Variants in NRXN3 observed in about 807,000 individuals in gnomAD.
NRXN3 encodes the protein neurexin 3.
A neutral mutation model predicts 137.6 loss-of-function variants in NRXN3; 32 were observed. The observed-to-expected ratio is 0.23, with a 90% CI of 0.18 to 0.31. The LOEUF is 0.31. Among genes scored for constraint, NRXN3 ranks in the 10% least tolerant of loss-of-function variants. The probability of loss-of-function intolerance (pLI) is 1.00; values close to 1 mark genes in which losing one functional copy is unlikely to be tolerated. For missense variants in NRXN3, 1,574 were observed against 2,062.5 expected, an observed-to-expected ratio of 0.76 and a Z score of 4.59; for synonymous variants, 798 against 784.5, an observed-to-expected ratio of 1.02 and a Z score of -0.29.
intron 15 of NRXN3, among the ~76,000 whole-genome samples, chr14:79,337,435 C>A (rs1216785288): frequency 6.6e-6 from 1 of 152,154 alleles, no homozygotes; most frequent in African/African-American, 2.4e-5. Flanking sequence ...CTCACAGATG[C>A]AGGAGCTGGT....
chr14:79,008,071 T>C (rs1403380323), intron 15 of NRXN3, among the ~76,000 whole-genome samples: 1 of 152,130 alleles, frequency 6.6e-6, no homozygotes, highest in Non-Finnish European at 1.5e-5. Flanking sequence ...CGCTGTGTTG[T>C]AAACTGTTTA....
intron 17 of NRXN3, among the ~76,000 whole-genome samples, chr14:79,685,938 G>A (rs1413290719): frequency 1.3e-5 from 2 of 152,144 alleles, no homozygotes; most frequent in African/African-American, 2.4e-5. Context: ...ATAGCTGGAC[G>A]TAATACACCA....
intron 15 of NRXN3, among the ~76,000 whole-genome samples, chr14:79,300,423 G>A (rs573509925): frequency 6.6e-5 from 10 of 152,176 alleles, no homozygotes; most frequent in African/African-American, 2.2e-4. Context: ...GGGTAGCTTG[G>A]ATGATCTCAC....
chr14:79,605,552 A>T (rs201642473), intron 16 of NRXN3, among the ~76,000 whole-genome samples: 1 of 151,986 alleles, frequency 6.6e-6, no homozygotes, highest in South Asian at 2.1e-4. Flanking sequence ...CAGTGGCATG[A>T]TGTCAGCTCA....
At chr14:79,838,911 G>A (rs1237260645) in intron 20 of NRXN3, among the ~76,000 whole-genome samples, 1 of 152,182 alleles carries the variant, frequency 6.6e-6, no homozygotes, top group Non-Finnish European at 1.5e-5. Context: ...GTTAGAGGTG[G>A]TCAAAAGACA....
At chr14:79,353,632 T>C (rs2093313649) in intron 15 of NRXN3, among the ~76,000 whole-genome samples, 1 of 152,176 alleles carries the variant, frequency 6.6e-6, no homozygotes. Flanking sequence ...CTGTTACTAA[T>C]AAGTATGATG....
chr14:79,697,340 C>G (rs769631948), intron 18 of NRXN3, among the ~76,000 whole-genome samples: 15 of 151,906 alleles, frequency 9.9e-5, no homozygotes, highest in Non-Finnish European at 2.1e-4. Context: ...ATTATATACC[C>G]AAGAAGACCA....
chr14:79,070,696 C>T (rs932651106), intron 15 of NRXN3, among the ~76,000 whole-genome samples: 15 of 151,770 alleles, frequency 9.9e-5, no homozygotes, highest in Admixed American at 4.6e-4. Flanking sequence ...TTTTTTCTTC[C>T]GATAGGGGAA....
At chr14:78,811,013 A>G (rs1324640461) in intron 10 of NRXN3, among the ~76,000 whole-genome samples, 1 of 152,220 alleles carries the variant, frequency 6.6e-6, no homozygotes, top group Non-Finnish European at 1.5e-5. Flanking sequence ...CCTCTTCCTT[A>G]GAAGTAAACA....
At chr14:79,414,685 AC>A (rs1185607857) in intron 15 of NRXN3, among the ~76,000 whole-genome samples, 3 of 152,064 alleles carry the variant, frequency 2.0e-5, no homozygotes, top group African/African-American at 7.2e-5. Context: ...CCATCACCTC[AC>A]ATAGCTACCG....
chr14:79,596,157 CT>C (rs1308352955), intron 16 of NRXN3, among the ~76,000 whole-genome samples: 1 of 151,730 alleles, frequency 6.6e-6, no homozygotes, highest in African/African-American at 2.4e-5. Context: ...AAGGTTTTTC[CT>C]TCCTCTCCTT....
In NRXN3 at chr14:79,861,138, C is replaced by T; in HGVS notation, c.4094-204C>T. On this transcript the variant is annotated intron_variant, in intron 20 of 20. Transcript: ENST00000335750. The surrounding 1 kb of genome is among the most constrained non-coding windows in gnomAD (Gnocchi z 5.4). ...ATTACACTCCCCCCTACCTTTCGCC[C>T]CCTCCTCACCATTATTGAGACCACC... 1 of 1,503,380 alleles carries T rather than the reference C, an allele frequency of 6.7e-7. No individual in the cohort carries two copies. The highest frequency in any genetic ancestry group is 1.3e-5 in the South Asian group (1 of 79,970). The allele number at this position is 1,503,380 out of a possible 1,614,324, so 93.1% of individuals were successfully genotyped here.
At chr14:78,257,557 G>T (rs914823709) in intron 2 of NRXN3, among the ~76,000 whole-genome samples, 1 of 152,214 alleles carries the variant, frequency 6.6e-6, no homozygotes, top group Non-Finnish European at 1.5e-5. Flanking sequence ...TCTTGGGCAG[G>T]ACATGGAAGC....
At chr14:78,809,444 C>T (rs566429189) in intron 9 of NRXN3, among the ~76,000 whole-genome samples, 2 of 152,290 alleles carry the variant, frequency 1.3e-5, no homozygotes, top group East Asian at 1.9e-4. Flanking sequence ...GGCAGGAAGA[C>T]AGAGATGGGC....
intron 16 of NRXN3, among the ~76,000 whole-genome samples, chr14:79,616,609 G>A (rs559879502): frequency 2.0e-5 from 3 of 152,218 alleles, no homozygotes; most frequent in African/African-American, 4.8e-5. Flanking sequence ...AAATCCCCAT[G>A]ACATGTGATT....
intron 15 of NRXN3, among the ~76,000 whole-genome samples, chr14:79,087,580 TAG>T (rs1274911833): frequency 1.3e-5 from 2 of 152,166 alleles, no homozygotes; most frequent in Admixed American, 1.3e-4. Flanking sequence ...GATACCTTAT[TAG>T]AGTCTTGAAG....
intron 4 of NRXN3, among the ~76,000 whole-genome samples, chr14:78,412,188 G>A (rs2092874510): frequency 6.6e-6 from 1 of 152,176 alleles, no homozygotes; most frequent in Admixed American, 6.6e-5. Context: ...GCCATTGGAA[G>A]GGGCTATGTG....
intron 4 of NRXN3, among the ~76,000 whole-genome samples, chr14:78,460,938 T>C (rs1274737038): frequency 2.0e-5 from 3 of 152,210 alleles, no homozygotes; most frequent in African/African-American, 7.2e-5. Flanking sequence ...TATTTATTTG[T>C]ACCTTGTTTG....
chr14:79,146,297 C>A (rs2059293183), intron 15 of NRXN3, among the ~76,000 whole-genome samples: 1 of 152,094 alleles, frequency 6.6e-6, no homozygotes, highest in Non-Finnish European at 1.5e-5. Context: ...AAGGCATGGT[C>A]CTGCCTTGTG....
Sources: gnomAD v4.1 joint callset for allele counts (sites outside exome capture counted in the v4.1 genomes callset) on GRCh38, gnomAD v4.1.1 for gene constraint, Gnocchi (gnomAD v3.1) non-coding constraint, MANE v1.5 for transcripts, NCBI Gene and HGNC (gene_info 2026-07-23, HGNC 2026-07-21) for gene names.